Variants in DNAH3 observed in about 807,000 individuals in gnomAD.
DNAH3 encodes axonemal beta dynein heavy chain 3.
In DNAH3, 332 loss-of-function variants were observed where a neutral mutation model predicts 432.5. The ratio of observed to expected loss-of-function variants is 0.77; its 90% CI spans 0.70 to 0.84. The LOEUF (loss-of-function observed/expected upper bound fraction) is 0.84. DNAH3 is among the 40% of genes least tolerant of loss of function. The pLI, the probability that DNAH3 is intolerant of heterozygous loss-of-function variation, is 0.00. For missense variants in DNAH3, 4,861 were observed against 5,114.0 expected, an observed-to-expected ratio of 0.95 and a Z score of 1.51; for synonymous variants, 1,956 against 1,900.2, an observed-to-expected ratio of 1.03 and a Z score of -0.76.
intron 11 of DNAH3, among the ~76,000 whole-genome samples, chr16:21,119,157 T>C (rs2092277794): frequency 6.6e-6 from 1 of 151,740 alleles, no homozygotes; most frequent in African/African-American, 2.4e-5. Flanking sequence ...GTGAATGAAA[T>C]GGTTTAGGGC....
intron 48 of DNAH3, among the ~76,000 whole-genome samples, chr16:20,983,822 G>C (rs1414539647): frequency 6.6e-6 from 1 of 151,752 alleles, no homozygotes; most frequent in Admixed American, 6.6e-5. Flanking sequence ...AGACCAACCT[G>C]GGCAACAAAG....
intron 50 of DNAH3, among the ~76,000 whole-genome samples, chr16:20,977,146 G>A (rs1057404733): frequency 6.6e-6 from 1 of 152,034 alleles, no homozygotes; most frequent in African/African-American, 2.4e-5. Flanking sequence ...AGGCTGAGGT[G>A]GGCAGATCAC....
chr16:20,980,241 A>ATAATATACATCATATAT (rs2085810992), intron 49 of DNAH3, among the ~76,000 whole-genome samples: 2 of 97,824 alleles, frequency 2.0e-5, no homozygotes, highest in East Asian at 2.7e-4. Flanking sequence ...TATATTATAT[A>ATAATATACATCATATAT]TATAATATAC....
intron 19 of DNAH3, among the ~76,000 whole-genome samples, chr16:21,086,212 AAC>A (rs2091367844): frequency 6.6e-6 from 1 of 152,164 alleles, no homozygotes; most frequent in African/African-American, 2.4e-5. Flanking sequence ...TTATTTTAGA[AAC>A]ACAGTGAGTT....
intron 51 of DNAH3, 76 bp from the exon 52 acceptor site, chr16:20,970,066 T>C: frequency 1.5e-6 from 2 of 1,364,822 alleles, no homozygotes; most frequent in South Asian, 2.3e-5. Flanking sequence ...GCTCCACTCC[T>C]ACATGAGGAA....
At chr16:21,068,117 A>C (rs1018464791) in intron 23 of DNAH3, among the ~76,000 whole-genome samples, 2 of 152,240 alleles carry the variant, frequency 1.3e-5, no homozygotes, top group East Asian at 3.9e-4. Flanking sequence ...TTTTAAGTGC[A>C]CCCCAGTTTG....
At chr16:21,036,192 G>A (rs187765382) in intron 35 of DNAH3, among the ~76,000 whole-genome samples, 37 of 152,170 alleles carry the variant, frequency 2.4e-4, no homozygotes, top group South Asian at 6.2e-4. Flanking sequence ...GGGGGGTGGC[G>A]GCACGCACCT....
chr16:21,113,704 C>A (rs1031158963), intron 12 of DNAH3, among the ~76,000 whole-genome samples: 31 of 152,268 alleles, frequency 2.0e-4, no homozygotes, highest in African/African-American at 7.2e-4. Flanking sequence ...AGTCATTTGC[C>A]CACCTTGGCC....
intron 37 of DNAH3, among the ~76,000 whole-genome samples, chr16:21,029,039 G>C (rs2088731102): frequency 6.6e-6 from 1 of 152,144 alleles, no homozygotes; most frequent in African/African-American, 2.4e-5. Context: ...AGCTAAAACA[G>C]ACCCACACCT....
intron 15 of DNAH3, among the ~76,000 whole-genome samples, chr16:21,104,957 T>C (rs2091913586): frequency 6.6e-6 from 1 of 152,168 alleles, no homozygotes; most frequent in Non-Finnish European, 1.5e-5. Context: ...AAACCCAGAT[T>C]GATGCTCTCG....
At position 21,012,546 on chromosome 16, in the gene DNAH3, A is replaced by G. The variant is rs1227971097; in HGVS notation, c.6022+7078T>C. 3.3e-5 allele frequency among the ~76,000 whole-genome samples: 5 copies of G among 152,352 alleles called. No individual in the cohort carries two copies. The East Asian group carries it at 9.6e-4, about 29-fold the overall frequency. On this transcript the variant is annotated intron_variant, in intron 41 of 61. Transcript: ENST00000261383. ...GAGAAATAGACAAATCCAATATCAC[A>G]GTCGGATACTTCAACCACCCCTGCC...
At chr16:20,959,453 C>T (rs368626498) in intron 53 of DNAH3, 49 bp from the exon 54 acceptor site, 4 of 1,565,370 alleles carry the variant, frequency 2.6e-6, no homozygotes, top group Non-Finnish European at 3.5e-6. Context: ...GGCCAGCTAA[C>T]AGTAACAGAA....
At chr16:21,008,292 T>C (rs2087417580) in intron 41 of DNAH3, among the ~76,000 whole-genome samples, 1 of 152,194 alleles carries the variant, frequency 6.6e-6, no homozygotes. Context: ...TTTCCCAACA[T>C]TATCTGGGGC....
At chr16:20,941,183 T>C (rs2083793451) in intron 59 of DNAH3, among the ~76,000 whole-genome samples, 1 of 152,194 alleles carries the variant, frequency 6.6e-6, no homozygotes, top group Admixed American at 6.5e-5. Flanking sequence ...ACTTTATAGA[T>C]GTCACATGAA....
intron 51 of DNAH3, among the ~76,000 whole-genome samples, chr16:20,972,522 C>A (rs1337750717): frequency 6.6e-6 from 1 of 151,754 alleles, no homozygotes; most frequent in East Asian, 1.9e-4. Context: ...AAAGGCATGA[C>A]CCATCATGGC....
At chr16:20,988,920 C>T (rs1286396872) in intron 44 of DNAH3, among the ~76,000 whole-genome samples, 1 of 152,092 alleles carries the variant, frequency 6.6e-6, no homozygotes, top group South Asian at 2.1e-4. Context: ...CTTAAGGCGG[C>T]ATGTCTGGAG....
intron 20 of DNAH3, among the ~76,000 whole-genome samples, chr16:21,081,326 T>A (rs147781756): frequency 7.1e-4 from 108 of 151,508 alleles, no homozygotes; most frequent in African/African-American, 2.5e-3. Context: ...AAAGGCTGAA[T>A]GGTTTTGCCC....
intron 19 of DNAH3, among the ~76,000 whole-genome samples, chr16:21,083,239 C>T (rs1186561434): frequency 6.6e-6 from 1 of 152,090 alleles, no homozygotes; most frequent in Non-Finnish European, 1.5e-5. Context: ...TGCTCTCGAA[C>T]TCCTGACCTC....
chr16:21,122,819 TTTTA>T (rs202207784), intron 9 of DNAH3, among the ~76,000 whole-genome samples: 5,616 of 152,040 alleles, frequency 0.037, 170 homozygotes, highest in East Asian at 0.17. Context: ...TTTTAATTTA[TTTTA>T]TTTGTGTCCT....
Sources: allele counts gnomAD v4.1 joint callset (sites outside exome capture counted in the v4.1 genomes callset), GRCh38; gene constraint gnomAD v4.1.1; transcripts MANE v1.5; gene names NCBI Gene and HGNC (gene_info 2026-07-23, HGNC 2026-07-21).